The following CDYL variants were observed in gnomAD, a reference collection of about 807,000 sequenced individuals.
The protein encoded by CDYL is chromodomain Y-like protein.
CDYL carries 8 observed loss-of-function variants against 47.3 expected under a neutral mutation model. That is an observed-to-expected ratio of 0.17 (90% CI 0.10 to 0.31). The LOEUF (loss-of-function observed/expected upper bound fraction) is 0.31, where lower values mean the gene tolerates loss of function less well. Ranked by LOEUF, CDYL falls within the 10% of genes least tolerant of loss-of-function variation. The pLI, the probability that CDYL is intolerant of heterozygous loss-of-function variation, is 1.00. For missense variants in CDYL, 471 were observed against 701.4 expected (o/e 0.67, Z 3.71); for synonymous variants, 266 against 265.0 (o/e 1.00, Z -0.04).
chr6:4,729,876 C>T (rs1757575209), intron 2 of CDYL, among the ~76,000 whole-genome samples: 1 of 151,982 alleles, frequency 6.6e-6, no homozygotes, highest in Non-Finnish European at 1.5e-5. Context: ...CACGATCACG[C>T]TACTACACTC....
chr6:4,811,339 G>A (rs984323947), intron 1 of CDYL, among the ~76,000 whole-genome samples: 7 of 152,124 alleles, frequency 4.6e-5, no homozygotes, highest in African/African-American at 1.2e-4. Context: ...TAAAAACAGA[G>A]CACCTGACTT....
chr6:4,825,370 G>C (rs1312965555), intron 1 of CDYL, among the ~76,000 whole-genome samples: 1 of 152,134 alleles, frequency 6.6e-6, no homozygotes, highest in African/African-American at 2.4e-5. Context: ...TGAATGAGTA[G>C]TGATAGTTTT....
At chr6:4,907,565 A>C (rs1757278699) in intron 2 of CDYL, among the ~76,000 whole-genome samples, 1 of 152,028 alleles carries the variant, frequency 6.6e-6, no homozygotes, top group African/African-American at 2.4e-5. Context: ...CCATCTCTAC[A>C]AAAGATGGGG....
In CDYL at chr6:4,717,438, G is replaced by A. The variant is rs185351720; in HGVS notation, c.103+1557G>A. ...TTTAAAACAAAAGAGGGTCAGGCAC[G>A]GTGGCTAAAGGCCTTTGGGAGGCTG... On this transcript the variant is annotated intron_variant, in intron 2 of 8. Coordinates refer to the CDYL transcript ENST00000328908. Among the ~76,000 whole-genome samples, 1,082 of 152,062 alleles carry A rather than the reference G, an allele frequency of 7.1e-3. 4 individuals are homozygous for A. The highest frequency in any genetic ancestry group is 9.9e-3 in the Non-Finnish European group (675 of 67,982).
chr6:4,780,598 A>C (rs1293022848), intron 1 of CDYL, among the ~76,000 whole-genome samples: 1 of 151,502 alleles, frequency 6.6e-6, no homozygotes, highest in Non-Finnish European at 1.5e-5. Context: ...TTGTTAAGTA[A>C]CTCATCTTGT....
chr6:4,892,512 G>T, intron 2 of CDYL, 133 bp downstream of exon 2: 1 of 941,416 alleles, frequency 1.1e-6, no homozygotes, highest in Non-Finnish European at 1.5e-6. Flanking sequence ...CAGAGATTTC[G>T]CCTTCTCCTT....
intron 2 of CDYL, among the ~76,000 whole-genome samples, chr6:4,905,678 C>T (rs1423231670): frequency 6.6e-6 from 1 of 152,232 alleles, no homozygotes; most frequent in Non-Finnish European, 1.5e-5. Flanking sequence ...CCACTCGCCC[C>T]CAGCACTGGC....
chr6:4,788,966 C>G (rs1758841293), intron 1 of CDYL, among the ~76,000 whole-genome samples: 1 of 152,124 alleles, frequency 6.6e-6, no homozygotes, highest in African/African-American at 2.4e-5. Context: ...AGAGCCCTCC[C>G]TGTCTTGTAG....
At chr6:4,921,539 C>T (rs1561709780) in intron 2 of CDYL, among the ~76,000 whole-genome samples, 1 of 151,100 alleles carries the variant, frequency 6.6e-6, no homozygotes, top group Non-Finnish European at 1.5e-5. Context: ...TCTTTCTCAG[C>T]CCCCACTTCC....
chr6:4,932,828 A>G (rs141310293), intron 2 of CDYL, among the ~76,000 whole-genome samples: 5 of 152,068 alleles, frequency 3.3e-5, no homozygotes, highest in African/African-American at 7.2e-5. Flanking sequence ...CTAAGTGGCA[A>G]TGTCATCTCA....
At chr6:4,753,957 G>T (rs539575213) in intron 3 of CDYL, among the ~76,000 whole-genome samples, 1 of 152,086 alleles carries the variant, frequency 6.6e-6, no homozygotes, top group African/African-American at 2.4e-5. Flanking sequence ...TTGGCAATTT[G>T]TTTTATCTAT....
rs56298578 is a variant in CDYL, at chr6:4,850,552, G to A, written c.25-41161G>A. On this transcript the variant is annotated intron_variant, in intron 1 of 6. Transcript: ENST00000397588. Reference sequence around the variant, plus strand: ...TCTTAATTTTAAAAGTATTCATAGAGTTCTTTTCCTTGTAAGAATGCTACT... The same window carrying A: ...TCTTAATTTTAAAAGTATTCATAGAATTCTTTTCCTTGTAAGAATGCTACT... 2.6e-4 allele frequency among the ~76,000 whole-genome samples: 40 copies of A among 152,308 alleles called. No individual in the cohort carries two copies. The South Asian group carries it at 7.9e-3, about 30-fold the overall frequency.
chr6:4,715,942 CCT>C, intron 2 of CDYL: 1 of 1,566,356 alleles, frequency 6.4e-7, no homozygotes, highest in Middle Eastern at 1.7e-4. Context: ...TAGAGAGGCC[CCT>C]TTTATTTAAA....
chr6:4,900,034 TG>T (rs1198591155), intron 2 of CDYL, among the ~76,000 whole-genome samples: 1 of 152,238 alleles, frequency 6.6e-6, no homozygotes, highest in African/African-American at 2.4e-5. Context: ...AATGTGTAAA[TG>T]TCATACATTT....
chr6:4,762,319 A>G (rs116038582), intron 3 of CDYL, among the ~76,000 whole-genome samples: 2 of 152,346 alleles, frequency 1.3e-5, no homozygotes, highest in Non-Finnish European at 2.9e-5. Context: ...AGGAACAAAC[A>G]TATCCTCTCT....
Position 4,834,751 on chromosome 6 carries a change from T to C in CDYL, c.25-56962T>C, listed in dbSNP as rs563660307. The stretch of plus-strand genomic sequence containing the variant: ...TTGGTCTTTTCACATAGTCCCATAT[T>C]TCTTGGAGGCTTTGTTCATTTCTTT... On this transcript the variant is annotated intron_variant, in intron 1 of 6. Transcript: ENST00000397588. Among the ~76,000 whole-genome samples the C allele has an allele frequency of 6.6e-5, 10 of 152,336 alleles. No homozygotes were observed. In the South Asian group the frequency reaches 2.1e-3, roughly 32 times the overall value.
chr6:4,747,627 G>A (rs1476990050), intron 3 of CDYL, among the ~76,000 whole-genome samples: 2 of 152,142 alleles, frequency 1.3e-5, no homozygotes, highest in Non-Finnish European at 2.9e-5. Flanking sequence ...CCAGCACTTA[G>A]TGCATTTATT....
At chr6:4,834,590 C>G (rs1485752054) in intron 1 of CDYL, among the ~76,000 whole-genome samples, 1 of 150,596 alleles carries the variant, frequency 6.6e-6, no homozygotes, top group African/African-American at 2.5e-5. Flanking sequence ...TTGTGGCGTT[C>G]TCTGTATTTC....
intron 1 of CDYL, among the ~76,000 whole-genome samples, chr6:4,879,028 A>G (rs1415506667): frequency 6.6e-6 from 1 of 152,128 alleles, no homozygotes; most frequent in Non-Finnish European, 1.5e-5. Flanking sequence ...ATTGGTGTCT[A>G]ACTCCCCTGC....
Sources: gnomAD v4.1 joint callset for allele counts (sites outside exome capture counted in the v4.1 genomes callset) on GRCh38, gnomAD v4.1.1 for gene constraint, MANE v1.5 for transcripts, NCBI Gene and HGNC (gene_info 2026-07-23, HGNC 2026-07-21) for gene names.